Variants in DNER observed in about 807,000 individuals in gnomAD.
The protein encoded by DNER is delta/notch like EGF repeat containing, also known as delta and Notch-like epidermal growth factor-related receptor.
A neutral mutation model predicts 78.2 loss-of-function variants in DNER; 33 were observed. The observed-to-expected ratio is 0.42, with a 90% CI of 0.32 to 0.56. The LOEUF (loss-of-function observed/expected upper bound fraction) is 0.56, where lower values mean the gene tolerates loss of function less well. Among genes scored for constraint, DNER ranks in the 20% least tolerant of loss-of-function variants. DNER has a pLI of 0.11. For missense variants in DNER, 918 were observed against 975.3 expected, an observed-to-expected ratio of 0.94 and a Z score of 0.78; for synonymous variants, 417 against 384.8, an observed-to-expected ratio of 1.08 and a Z score of -0.98.
rs1259916500 is a variant in DNER at position 229,668,573 on chromosome 2, T to TATATATATATATAC, written c.276+45574_276+45575insGTATATATATATAT. 7.6e-4 allele frequency among the ~76,000 whole-genome samples: 70 copies of TATATATATATATAC among 92,076 alleles called. 1 individual carries two copies. The highest frequency in any genetic ancestry group is 2.4e-3 in the African/African-American group (41 of 17,104). 60.4% of individuals were successfully genotyped at this position (92,076 alleles called of 152,430 possible). A position where few individuals can be genotyped will look rare whatever the true frequency, so the allele number is the denominator to read the frequency against. Reference sequence around the variant, plus strand: ...ATATATATATATATATATATATATATATATATAAAAGAAGACATTTATGTG... The same window carrying TATATATATATATAC: ...ATATATATATATATATATATATATATATATATATATATACATATATAAAAGAAGACATTTATGTG... On this transcript the variant is annotated intron_variant, in intron 1 of 12. Coordinates refer to ENST00000341772, the MANE Select transcript of DNER (RefSeq NM_139072.4).
chr2:229,420,844 A>G (rs1030682322), intron 8 of DNER, among the ~76,000 whole-genome samples: 2 of 152,232 alleles, frequency 1.3e-5, no homozygotes, highest in African/African-American at 2.4e-5. Flanking sequence ...TACAGCTGCT[A>G]TGAAAAACTA....
At chr2:229,713,298 AG>A (rs1468232327) in intron 1 of DNER, among the ~76,000 whole-genome samples, 2 of 152,216 alleles carry the variant, frequency 1.3e-5, no homozygotes, top group Admixed American at 1.3e-4. Context: ...GACTTGTAAA[AG>A]CCCCAGATAT....
At chr2:229,498,391 T>C (rs1401575004) in intron 6 of DNER, among the ~76,000 whole-genome samples, 1 of 152,180 alleles carries the variant, frequency 6.6e-6, no homozygotes, top group Non-Finnish European at 1.5e-5. Context: ...TCACCACTTC[T>C]ATTGAACATA....
intron 5 of DNER, among the ~76,000 whole-genome samples, chr2:229,538,915 C>T (rs1481075447): frequency 2.6e-5 from 4 of 152,180 alleles, no homozygotes; most frequent in South Asian, 2.1e-4. Flanking sequence ...TCAAGTATTT[C>T]CCATCCACTA....
chr2:229,606,435 C>T (rs1697939266), intron 1 of DNER: 1 of 152,054 alleles, frequency 6.6e-6, no homozygotes, highest in Non-Finnish European at 1.5e-5. Flanking sequence ...TAGAGAAATC[C>T]ACCAGCAGTC....
intron 4 of DNER, among the ~76,000 whole-genome samples, chr2:229,569,866 T>A (rs557631840): frequency 6.6e-6 from 1 of 152,312 alleles, no homozygotes; most frequent in African/African-American, 2.4e-5. Context: ...AATGGATGGA[T>A]GGGTGTGAGC....
chr2:229,581,825 C>T (rs1481997654), intron 4 of DNER, among the ~76,000 whole-genome samples: 2 of 152,196 alleles, frequency 1.3e-5, no homozygotes, highest in Non-Finnish European at 2.9e-5. Context: ...GAAGGAACTC[C>T]TCTGCTCTGT....
At chr2:229,405,389 T>G (rs1693358386) in intron 10 of DNER, among the ~76,000 whole-genome samples, 2 of 152,198 alleles carry the variant, frequency 1.3e-5, no homozygotes, top group African/African-American at 2.4e-5. Context: ...ACCCTGGGAT[T>G]CTATTTCTGC....
chr2:229,593,246 C>T (rs1204472546), intron 1 of DNER, among the ~76,000 whole-genome samples: 2 of 147,528 alleles, frequency 1.4e-5, no homozygotes, highest in Non-Finnish European at 2.9e-5. Flanking sequence ...CCCTTCCTCT[C>T]CTCCCACAAA....
chr2:229,586,547 AAAACACACAAAAC>A, intron 3 of DNER: 18 of 106,250 alleles, frequency 1.7e-4, no homozygotes, highest in Non-Finnish European at 2.7e-4. Context: ...AAAAAAAAAA[AAAACACACAAAAC>A]CACCCCACAG....
In DNER at chr2:229,477,739, G is replaced by C. The variant is rs116107629; in HGVS notation, c.1148-486C>G. 3.5e-3 allele frequency among the ~76,000 whole-genome samples: 529 copies of C among 152,314 alleles called. 1 individual carries two copies. The highest frequency in any genetic ancestry group is 4.3e-3 in the Non-Finnish European group (294 of 68,030). ...ATTTTAGAGCTAGAATAACCCACCT[G>C]TGTTAATTCTGTGACCTCTCCTCCC... is the stretch of plus-strand genomic sequence containing the variant. On this transcript the variant is annotated intron_variant, in intron 6 of 12. Transcript: ENST00000341772.
At chr2:229,616,304 T>C (rs1698161709) in intron 1 of DNER, among the ~76,000 whole-genome samples, 1 of 152,188 alleles carries the variant, frequency 6.6e-6, no homozygotes, top group Admixed American at 6.5e-5. Flanking sequence ...TTTTGTCCTA[T>C]GGTTCCATGT....
chr2:229,606,994 C>T (rs1040132910), intron 1 of DNER, among the ~76,000 whole-genome samples: 2 of 152,094 alleles, frequency 1.3e-5, no homozygotes, highest in East Asian at 3.9e-4. Flanking sequence ...ATGGGACTCA[C>T]GCACATGCCT....
At chr2:229,500,719 C>A (rs1415087611) in intron 6 of DNER, among the ~76,000 whole-genome samples, 1 of 151,828 alleles carries the variant, frequency 6.6e-6, no homozygotes, top group Non-Finnish European at 1.5e-5. Flanking sequence ...TCAAAATTTC[C>A]ATAGGTTTCG....
chr2:229,453,090 T>C (rs1292170331), intron 7 of DNER, among the ~76,000 whole-genome samples: 2 of 152,222 alleles, frequency 1.3e-5, no homozygotes, highest in Non-Finnish European at 2.9e-5. Context: ...CTGTGGGACT[T>C]TGGGCTAGTA....
At chr2:229,383,976 C>T (rs527246474) in intron 11 of DNER, among the ~76,000 whole-genome samples, 87 of 152,270 alleles carry the variant, frequency 5.7e-4, no homozygotes, top group Non-Finnish European at 8.7e-4. Context: ...AGCACCACTT[C>T]GCACTTATTC....
chr2:229,656,859 G>A (rs1254490442), intron 1 of DNER, among the ~76,000 whole-genome samples: 1 of 152,116 alleles, frequency 6.6e-6, no homozygotes, highest in African/African-American at 2.4e-5. Context: ...GCCTTGTTGA[G>A]GCATACTTAA....
intron 11 of DNER, among the ~76,000 whole-genome samples, chr2:229,380,751 C>G (rs1266248449): frequency 6.6e-6 from 1 of 151,872 alleles, no homozygotes; most frequent in Non-Finnish European, 1.5e-5. Context: ...ATAGTGAAAC[C>G]CCTTCTCTAC....
intron 1 of DNER, among the ~76,000 whole-genome samples, chr2:229,620,668 T>G (rs1698238534): frequency 6.6e-6 from 1 of 152,234 alleles, no homozygotes; most frequent in African/African-American, 2.4e-5. Context: ...GGGGCGTCAG[T>G]CCCTTGAGAA....
Sources: allele counts gnomAD v4.1 joint callset (sites outside exome capture counted in the v4.1 genomes callset), GRCh38; gene constraint gnomAD v4.1.1; transcripts MANE v1.5; gene names NCBI Gene and HGNC (gene_info 2026-07-23, HGNC 2026-07-21).